HPSE: variants seen among roughly 807,000 people sequenced by gnomAD.
The protein encoded by HPSE is endo-glucoronidase.
HPSE carries 48 observed loss-of-function variants against 65.1 expected under a neutral mutation model. The ratio of observed to expected loss-of-function variants is 0.74; its 90% CI spans 0.58 to 0.94. HPSE has a LOEUF of 0.94. HPSE is among the 40% of genes least tolerant of loss of function. The pLI is 0.00. For missense variants in HPSE, 644 were observed against 637.5 expected, an observed-to-expected ratio of 1.01 and a Z score of -0.11; for synonymous variants, 243 against 260.0, an observed-to-expected ratio of 0.93 and a Z score of 0.63.
rs1735621004 is a variant in HPSE at position 83,293,484 on chromosome 4, G to C, written c.*1860C>G. 1 of 152,242 alleles carries C rather than the reference G, an allele frequency of 6.6e-6. No individual in the cohort carries two copies. Among genetic ancestry groups the C allele is most frequent in the East Asian group, 1.9e-4 (1 of 5,206 alleles). 9.4% of individuals were successfully genotyped at this position (152,242 alleles called of 1,614,324 possible). On this transcript the variant is annotated 3_prime_UTR_variant, in exon 12 of 12. Coordinates refer to ENST00000311412, the MANE Select transcript of HPSE (RefSeq NM_001098540.3). Reference sequence around the variant, plus strand: ...CCCAGATCCCTGGTGACGTACTGAAGTGCTGGAGCCTGGCCTGTTTGAACG... The same window carrying C: ...CCCAGATCCCTGGTGACGTACTGAACTGCTGGAGCCTGGCCTGTTTGAACG...
chr4:83,334,904 C>G, upstream of HPSE: 1 of 1,405,012 alleles, frequency 7.1e-7, no homozygotes, highest in South Asian at 1.5e-5. Context: ...GTTACGCCTC[C>G]TCACCCCTCC....
At chr4:83,307,902 T>G (rs1736205040) in intron 8 of HPSE, among the ~76,000 whole-genome samples, 1 of 152,200 alleles carries the variant, frequency 6.6e-6, no homozygotes, top group Non-Finnish European at 1.5e-5. Flanking sequence ...TAAATGTAAC[T>G]AAACCAGTAT....
chr4:83,301,016 G>T lies in HPSE; in HGVS notation c.1416C>A (p.Asn472Lys). ...KYLRLPYPFS[N>K]KQVDKYLLRP... ...TTAGAAGGTATTTATCCACTTGCTT[G>T]TTAGAAAAAGGATAGGGTAACCGCA... Residue 472 changes from asparagine to lysine, a missense_variant, in exon 11 of 12, where the codon AAC becomes AAA. Coordinates refer to ENST00000311412, the MANE Select transcript of HPSE (RefSeq NM_001098540.3). The T allele has an allele frequency of 6.2e-7, 1 of 1,608,212 alleles. No individual in the cohort carries two copies. The highest frequency in any genetic ancestry group is 8.5e-7 in the Non-Finnish European group (1 of 1,175,608).
chr4:83,308,755 C>T (rs990387345), intron 8 of HPSE, 90 bp downstream of exon 8: 1 of 995,984 alleles, frequency 1.0e-6, no homozygotes, highest in African/African-American at 1.6e-5. Context: ...GGTCTTTGAT[C>T]TGCTTTTTGG....
intron 3 of HPSE, among the ~76,000 whole-genome samples, chr4:83,314,762 A>G (rs1433876341): frequency 6.6e-6 from 1 of 152,236 alleles, no homozygotes; most frequent in South Asian, 2.1e-4. Flanking sequence ...ATCTCTATCT[A>G]TCTGGCAAAC....
At chr4:83,333,101 T>C (rs1257602001) in intron 1 of HPSE, among the ~76,000 whole-genome samples, 1 of 152,118 alleles carries the variant, frequency 6.6e-6, no homozygotes, top group Non-Finnish European at 1.5e-5. Flanking sequence ...AAAATTGTAG[T>C]GCCAGAAGGA....
intron 4 of HPSE, among the ~76,000 whole-genome samples, chr4:83,312,883 G>A (rs1364968088): frequency 9.4e-6 from 1 of 106,810 alleles, no homozygotes; most frequent in Non-Finnish European, 1.8e-5. Flanking sequence ...TTAGCTGGGC[G>A]CGGTGGCGGG....
intron 1 of HPSE, among the ~76,000 whole-genome samples, chr4:83,322,789 T>TTGTGTGTG (rs386400677): frequency 1.2e-3 from 129 of 104,024 alleles, no homozygotes; most frequent in Admixed American, 7.4e-3. Context: ...AAGAGCTTGT[T>TTGTGTGTG]TGTGTGTGTG....
intron 9 of HPSE, among the ~76,000 whole-genome samples, chr4:83,304,141 CAA>C (rs1294945455): frequency 1.3e-5 from 2 of 151,980 alleles, no homozygotes; most frequent in Non-Finnish European, 2.9e-5. Flanking sequence ...AATTTTTGGA[CAA>C]GAGACATGAC....
At chr4:83,331,507 C>G (rs1340420315) in intron 1 of HPSE, among the ~76,000 whole-genome samples, 1 of 152,150 alleles carries the variant, frequency 6.6e-6, no homozygotes, top group Non-Finnish European at 1.5e-5. Context: ...TAGGGCTGGG[C>G]TCTCTTTGGA....
chr4:83,297,403 C>G (rs191681547), intron 11 of HPSE, among the ~76,000 whole-genome samples: 31 of 151,816 alleles, frequency 2.0e-4, no homozygotes, highest in African/African-American at 6.0e-4. Flanking sequence ...TTCTTCCCCC[C>G]ACCCCAGCAC....
chr4:83,328,278 G>T (rs191587937), intron 1 of HPSE, among the ~76,000 whole-genome samples: 1 of 152,298 alleles, frequency 6.6e-6, no homozygotes, highest in Non-Finnish European at 1.5e-5. Flanking sequence ...ATTTGTTCCA[G>T]GTCTTTCTCC....
chr4:83,317,408 CAGA>C (rs1260615057), intron 3 of HPSE, among the ~76,000 whole-genome samples: 2 of 152,196 alleles, frequency 1.3e-5, no homozygotes, highest in Non-Finnish European at 2.9e-5. Context: ...AAACTAAACA[CAGA>C]AGATTTCTGT....
chr4:83,310,672 A>G (rs1042119970), intron 5 of HPSE, 50 bp downstream of exon 5: 1 of 1,543,260 alleles, frequency 6.5e-7, no homozygotes, highest in African/African-American at 1.4e-5. Context: ...ACTCTGTCTC[A>G]AAAGGAAAAA....
chr4:83,304,560 G>T (rs1045692721), intron 9 of HPSE, among the ~76,000 whole-genome samples: 2 of 120,050 alleles, frequency 1.7e-5, no homozygotes, highest in Non-Finnish European at 1.7e-5. Flanking sequence ...TGGGCACAAT[G>T]GTTCATGCTG....
At chr4:83,308,532 C>A (rs959571324) in intron 8 of HPSE, among the ~76,000 whole-genome samples, 2 of 152,202 alleles carry the variant, frequency 1.3e-5, no homozygotes, top group African/African-American at 2.4e-5. Context: ...CAGGGAACTA[C>A]CATATCCGGC....
intron 1 of HPSE, among the ~76,000 whole-genome samples, chr4:83,332,974 G>A (rs1432330248): frequency 2.6e-5 from 4 of 151,590 alleles, no homozygotes; most frequent in African/African-American, 7.3e-5. Flanking sequence ...GTGATCTGGA[G>A]CCCTATGGTT....
chr4:83,309,755 G>T (rs1252548177), intron 6 of HPSE, among the ~76,000 whole-genome samples: 1 of 152,096 alleles, frequency 6.6e-6, no homozygotes, highest in African/African-American at 2.4e-5. Context: ...TGGTTCTTTG[G>T]CAAGCAATTG....
chr4:83,324,100 A>ACTT (rs1333975125), intron 1 of HPSE, among the ~76,000 whole-genome samples: 9 of 133,452 alleles, frequency 6.7e-5, no homozygotes, highest in South Asian at 2.4e-4. Flanking sequence ...GATTGCCAAT[A>ACTT]CTTCTTCTTC....
Sources: gnomAD v4.1 joint callset for allele counts (sites outside exome capture counted in the v4.1 genomes callset) on GRCh38, gnomAD v4.1.1 for gene constraint, MANE v1.5 for transcripts, NCBI Gene and HGNC (gene_info 2026-07-23, HGNC 2026-07-21) for gene names.